Variants in ACVR1 observed in about 807,000 individuals in gnomAD.
ACVR1 encodes activin A receptor type 1, also known as activin receptor type-1.
A neutral mutation model predicts 57.1 loss-of-function variants in ACVR1; 38 were observed. The observed-to-expected ratio is 0.67, with a 90% CI of 0.51 to 0.87. The LOEUF is 0.87. ACVR1 is among the 40% of genes least tolerant of loss of function. The probability of loss-of-function intolerance (pLI) is 0.00; values close to 1 mark genes in which losing one functional copy is unlikely to be tolerated. For synonymous variants in ACVR1, 212 were observed against 228.1 expected (o/e 0.93, Z 0.63); for missense variants, 463 against 638.2 (o/e 0.73, Z 2.96).
chr2:157,774,365 T>C (rs1246567403), intron 5 of ACVR1, among the ~76,000 whole-genome samples, 178 bp from the exon 6 acceptor site: 1 of 152,146 alleles, frequency 6.6e-6, no homozygotes, highest in Non-Finnish European at 1.5e-5. Flanking sequence ...TATTGTTTTG[T>C]ATTTTTTATT....
At chr2:157,829,356 G>A (rs1450458562) in intron 1 of ACVR1, among the ~76,000 whole-genome samples, 4 of 152,104 alleles carry the variant, frequency 2.6e-5, no homozygotes, top group Non-Finnish European at 2.9e-5. Context: ...AAACCCCATC[G>A]CTGCCTACAA....
At chr2:157,775,841 C>T (rs1003123614) in intron 5 of ACVR1, among the ~76,000 whole-genome samples, 1 of 152,218 alleles carries the variant, frequency 6.6e-6, no homozygotes, top group African/African-American at 2.4e-5. Flanking sequence ...CAACCCAAGA[C>T]TAACAAACGT....
At chr2:157,875,038 T>C (rs1161052990) in intron 1 of ACVR1, 1 of 152,068 alleles carries the variant, frequency 6.6e-6, no homozygotes, top group African/African-American at 2.4e-5. Context: ...TGGCACAAAC[T>C]GGACAGAGCC....
chr2:157,849,197 C>T (rs1689218929), intron 1 of ACVR1, among the ~76,000 whole-genome samples: 1 of 152,178 alleles, frequency 6.6e-6, no homozygotes, highest in African/African-American at 2.4e-5. Context: ...ATCACAGGTA[C>T]TGATGGCAAT....
At chr2:157,778,060 A>G in intron 5 of ACVR1, 71 bp downstream of exon 5, 6 of 1,526,678 alleles carry the variant, frequency 3.9e-6, no homozygotes, top group Non-Finnish European at 5.4e-6. Context: ...TTAGCGTTTC[A>G]TGCTCGAAAT....
At chr2:157,825,805 A>G (rs958226339) in intron 1 of ACVR1, among the ~76,000 whole-genome samples, 1 of 152,226 alleles carries the variant, frequency 6.6e-6, no homozygotes, top group Non-Finnish European at 1.5e-5. Flanking sequence ...GAAGAATCAG[A>G]GCATCTTGAG....
chr2:157,836,579 TTCA>T (rs1487047767), intron 1 of ACVR1, among the ~76,000 whole-genome samples: 1 of 152,196 alleles, frequency 6.6e-6, no homozygotes, highest in Non-Finnish European at 1.5e-5. Flanking sequence ...TTACTCAAGA[TTCA>T]TCTCCTCCAG....
chr2:157,824,379 G>A (rs752835774), intron 1 of ACVR1, among the ~76,000 whole-genome samples: 1 of 152,096 alleles, frequency 6.6e-6, no homozygotes, highest in Non-Finnish European at 1.5e-5. Context: ...GAGATGGGGG[G>A]ACTGCTTCAG....
intron 1 of ACVR1, among the ~76,000 whole-genome samples, chr2:157,842,403 C>G (rs988023793): frequency 6.6e-6 from 1 of 152,172 alleles, no homozygotes. Flanking sequence ...TGCCTTTGGC[C>G]AGGAGGTACT....
chr2:157,833,570 G>T (rs1336687004), intron 1 of ACVR1, among the ~76,000 whole-genome samples: 1 of 152,066 alleles, frequency 6.6e-6, no homozygotes, highest in East Asian at 1.9e-4. Context: ...CATATAAAAA[G>T]GAAATAAAAC....
chr2:157,771,427 T>C (rs1686065630), intron 6 of ACVR1, among the ~76,000 whole-genome samples: 1 of 152,042 alleles, frequency 6.6e-6, no homozygotes, highest in African/African-American at 2.4e-5. Context: ...TAATTATAGG[T>C]AGGGGTGATC....
At chr2:157,779,781 G>T (rs977285982) in intron 4 of ACVR1, among the ~76,000 whole-genome samples, 15 of 152,298 alleles carry the variant, frequency 9.8e-5, no homozygotes, top group African/African-American at 3.6e-4. Context: ...GTAGAGAGAA[G>T]ATTCCACAAA....
chr2:157,862,183 C>T (rs1457978702), intron 1 of ACVR1, among the ~76,000 whole-genome samples: 1 of 152,028 alleles, frequency 6.6e-6, no homozygotes, highest in African/African-American at 2.4e-5. Context: ...TTCTCTACAT[C>T]CATATATATA....
At chr2:157,742,434 C>T (rs948698988) in intron 9 of ACVR1, among the ~76,000 whole-genome samples, 4 of 152,138 alleles carry the variant, frequency 2.6e-5, no homozygotes, top group South Asian at 2.1e-4. Context: ...CCATGTAAGG[C>T]GGCCAGCGTG....
chr2:157,788,230 C>A (rs1348681997), intron 3 of ACVR1, among the ~76,000 whole-genome samples: 1 of 152,152 alleles, frequency 6.6e-6, no homozygotes, highest in African/African-American at 2.4e-5. Flanking sequence ...CTTATCCCCC[C>A]TTATGCACCG....
Position 157,778,138 on chromosome 2 carries a change from G to GTTT in ACVR1, c.535_536insAAA (p.Ser178_Thr179insLys). 6.2e-7 allele frequency: 1 copy of GTTT among 1,613,656 alleles called. No homozygotes were observed. Among genetic ancestry groups the GTTT allele is most frequent in the Non-Finnish European group, 8.5e-7 (1 of 1,179,816 alleles). ...TGTGGGGTCATGACTTACTGCTAAA[G>GTTT]TGCTGTCTCCAACATTGGTGGTGAT... On this transcript the variant is annotated inframe_insertion, in exon 5 of 11. Transcript: ENST00000434821.
chr2:157,842,546 G>A (rs1689013788), intron 1 of ACVR1, among the ~76,000 whole-genome samples: 1 of 152,156 alleles, frequency 6.6e-6, no homozygotes. Context: ...ATCCAGCCCT[G>A]TATCTCCCGC....
chr2:157,857,166 C>G (rs1689562953), intron 1 of ACVR1, among the ~76,000 whole-genome samples: 1 of 151,984 alleles, frequency 6.6e-6, no homozygotes, highest in South Asian at 2.1e-4. Context: ...CCACTGCAAT[C>G]CAGCCTGGGT....
rs1684551875 is a variant in ACVR1, at chr2:157,736,866, C to T, written c.*665G>A. 3.1e-6 allele frequency: 1 copy of T among 326,924 alleles called. No homozygotes were observed. The highest frequency in any genetic ancestry group is 5.6e-6 in the Non-Finnish European group (1 of 177,806). 20.3% of individuals were successfully genotyped at this position (326,924 alleles called of 1,614,324 possible). A position where few individuals can be genotyped will look rare whatever the true frequency, so the allele number is the denominator to read the frequency against. ...GCACAAAGCAGTTTTGTAAAAACTA[C>T]TAAGTGCACAAGTAATAAATAATTT... On this transcript the variant is annotated 3_prime_UTR_variant, in exon 11 of 11. Coordinates refer to ENST00000434821, the MANE Select transcript of ACVR1 (RefSeq NM_001111067.4).
Sources: allele counts gnomAD v4.1 joint callset (sites outside exome capture counted in the v4.1 genomes callset), GRCh38; gene constraint gnomAD v4.1.1; transcripts MANE v1.5; gene names NCBI Gene and HGNC (gene_info 2026-07-23, HGNC 2026-07-21).